Variants in MEIS2 observed in about 807,000 individuals in gnomAD.
MEIS2 encodes homeobox protein Meis2.
MEIS2 carries 9 observed loss-of-function variants against 58.6 expected under a neutral mutation model. The ratio of observed to expected loss-of-function variants is 0.15; its 90% confidence interval spans 0.09 to 0.27. MEIS2 has a LOEUF of 0.27. MEIS2 is among the 10% of genes least tolerant of loss of function. The pLI is 1.00. For missense variants in MEIS2, 427 were observed against 635.0 expected (o/e 0.67, Z 3.52); for synonymous variants, 221 against 228.4 (o/e 0.97, Z 0.29).
intron 9 of MEIS2, among the ~76,000 whole-genome samples, chr15:36,903,214 G>C (rs73389585): frequency 7.8e-4 from 118 of 152,206 alleles, no homozygotes; most frequent in African/African-American, 2.8e-3. Flanking sequence ...AGCAGGTTAC[G>C]ATTTTGAAGC....
intron 8 of MEIS2, among the ~76,000 whole-genome samples, chr15:36,963,976 T>C (rs773301938): frequency 2.0e-5 from 3 of 152,228 alleles, no homozygotes; most frequent in Non-Finnish European, 4.4e-5. Flanking sequence ...CCCTAAGTTA[T>C]TGTAAGCATA....
At chr15:36,912,077 C>T (rs1311229448) in intron 9 of MEIS2, among the ~76,000 whole-genome samples, 5 of 152,088 alleles carry the variant, frequency 3.3e-5, no homozygotes, top group Admixed American at 1.3e-4. Flanking sequence ...ACCTCATGAC[C>T]AAATTATGGT....
chr15:36,942,546 G>A (rs1001702271), intron 9 of MEIS2, among the ~76,000 whole-genome samples: 5 of 152,108 alleles, frequency 3.3e-5, no homozygotes, highest in East Asian at 3.9e-4. Context: ...TCAAGATCAC[G>A]AGGTTAATAG....
chr15:37,048,297 C>T (rs2062764131), intron 7 of MEIS2, among the ~76,000 whole-genome samples: 1 of 152,144 alleles, frequency 6.6e-6, no homozygotes, highest in Admixed American at 6.5e-5. Flanking sequence ...TCTCTTTTAT[C>T]ATACTTTAAT....
intron 7 of MEIS2, among the ~76,000 whole-genome samples, chr15:37,037,668 A>G (rs1260108342): frequency 1.3e-5 from 2 of 151,984 alleles, no homozygotes; most frequent in Non-Finnish European, 2.9e-5. Context: ...TTTAACAGTC[A>G]TAGTTATTTT....
chr15:37,020,070 G>A (rs916984994), intron 8 of MEIS2, among the ~76,000 whole-genome samples: 2 of 152,112 alleles, frequency 1.3e-5, no homozygotes, highest in Admixed American at 1.3e-4. Flanking sequence ...AGATAACAGC[G>A]AAGGTCAGAA....
At chr15:36,957,536 A>G (rs900501273) in intron 8 of MEIS2, among the ~76,000 whole-genome samples, 8 of 152,176 alleles carry the variant, frequency 5.3e-5, no homozygotes, top group African/African-American at 1.9e-4. Context: ...AACAGTGGAA[A>G]ACCCTCCCAA....
chr15:36,957,039 A>AT (rs376266016), intron 8 of MEIS2, among the ~76,000 whole-genome samples: 112 of 152,314 alleles, frequency 7.4e-4, no homozygotes, highest in African/African-American at 2.4e-3. Context: ...AGAATTGAAG[A>AT]TTTTTTAAAA....
rs921149055 is a variant in MEIS2, at chr15:36,890,925, A to G, written c.*1248T>C. ...CTTAAAAATTATTGATGAGTTTAAA[A>G]TATACTCAACTGCTGGGGGGAAAAA... On this transcript the variant is annotated 3_prime_UTR_variant, in exon 12 of 12. Transcript: ENST00000561208. 6.6e-6 allele frequency: 1 copy of G among 152,456 alleles called. No individual in the cohort carries two copies. Among genetic ancestry groups the G allele is most frequent in the African/African-American group, 2.4e-5 (1 of 41,452 alleles). 9.4% of individuals were successfully genotyped at this position (152,456 alleles called of 1,614,324 possible).
chr15:37,079,959 T>C (rs1891971951), intron 7 of MEIS2, among the ~76,000 whole-genome samples: 1 of 152,162 alleles, frequency 6.6e-6, no homozygotes. Context: ...TCGGTATTTC[T>C]GGGAATCCTG....
chr15:37,027,761 T>G (rs2061755761), intron 8 of MEIS2, among the ~76,000 whole-genome samples: 1 of 152,148 alleles, frequency 6.6e-6, no homozygotes, highest in East Asian at 1.9e-4. Context: ...TCAATTCCTT[T>G]TTTTTTTAAG....
At chr15:37,017,679 A>T (rs759723582) in intron 8 of MEIS2, among the ~76,000 whole-genome samples, 1 of 152,272 alleles carries the variant, frequency 6.6e-6, no homozygotes, top group East Asian at 1.9e-4. Context: ...AATACCGCTA[A>T]CTAAGAGATA....
At chr15:36,896,600 A>G in intron 10 of MEIS2, 28 bp downstream of exon 10, 2 of 1,580,422 alleles carry the variant, frequency 1.3e-6, no homozygotes, top group Non-Finnish European at 1.7e-6. Flanking sequence ...CCTGTGGGAC[A>G]TAAATATAGA....
intron 8 of MEIS2, among the ~76,000 whole-genome samples, chr15:36,952,642 T>C (rs988247781): frequency 6.7e-6 from 1 of 149,514 alleles, no homozygotes; most frequent in African/African-American, 2.5e-5. Context: ...TGTGTGTGTG[T>C]GTGTGTGCAT....
At chr15:37,098,902 A>G in intron 1 of MEIS2, 2 of 985,642 alleles carry the variant, frequency 2.0e-6, no homozygotes, top group Non-Finnish European at 2.4e-6. Flanking sequence ...GAAAGTTACC[A>G]GAAACATTAT....
chr15:36,971,535 ATT>A (rs1187319812), intron 8 of MEIS2, among the ~76,000 whole-genome samples: 4 of 102,956 alleles, frequency 3.9e-5, no homozygotes, highest in Admixed American at 2.0e-4. Context: ...GCCTTGTTAC[ATT>A]AAAAAAAAAA....
chr15:37,016,009 C>G (rs1462699568), intron 8 of MEIS2, among the ~76,000 whole-genome samples: 1 of 152,138 alleles, frequency 6.6e-6, no homozygotes, highest in South Asian at 2.1e-4. Flanking sequence ...TCCTTTCCCC[C>G]TTCTTTCCCC....
At chr15:36,980,267 T>A (rs1321000873) in intron 8 of MEIS2, among the ~76,000 whole-genome samples, 1 of 152,192 alleles carries the variant, frequency 6.6e-6, no homozygotes, top group Non-Finnish European at 1.5e-5. Flanking sequence ...GTTATATATA[T>A]CTGTGTTTTT....
chr15:37,002,741 C>A (rs548416928), intron 8 of MEIS2, among the ~76,000 whole-genome samples: 1 of 151,968 alleles, frequency 6.6e-6, no homozygotes, highest in Non-Finnish European at 1.5e-5. Context: ...CTTTTTCTTA[C>A]ATTTACTTTC....
Sources: allele counts gnomAD v4.1 joint callset (sites outside exome capture counted in the v4.1 genomes callset), GRCh38; gene constraint gnomAD v4.1.1; transcripts MANE v1.5; gene names NCBI Gene and HGNC (gene_info 2026-07-23, HGNC 2026-07-21).